The following SENP1 variants were observed in gnomAD, a reference collection of about 807,000 sequenced individuals.
SENP1 encodes the protein SUMO specific peptidase 1.
SENP1 carries 21 observed loss-of-function variants against 93.0 expected under a neutral mutation model. That is an observed-to-expected ratio of 0.23 (90% CI 0.16 to 0.33). SENP1 has a LOEUF of 0.33. Ranked by LOEUF, SENP1 falls within the 10% of genes least tolerant of loss-of-function variation. The pLI, the probability that SENP1 is intolerant of heterozygous loss-of-function variation, is 1.00. For missense variants in SENP1, 591 were observed against 758.7 expected, an observed-to-expected ratio of 0.78 and a Z score of 2.60; for synonymous variants, 256 against 259.6, an observed-to-expected ratio of 0.99 and a Z score of 0.13.
At chr12:48,105,862 G>T (rs1460988280) in intron 1 of SENP1, 166 bp downstream of exon 1, 4 of 605,574 alleles carry the variant, frequency 6.6e-6, no homozygotes, top group South Asian at 5.9e-5. Flanking sequence ...CAGCAGGGGG[G>T]AGGGGAGGTG....
chr12:48,064,531 A>C (rs189944817), intron 12 of SENP1, among the ~76,000 whole-genome samples: 1 of 152,350 alleles, frequency 6.6e-6, no homozygotes, highest in African/African-American at 2.4e-5. Context: ...AATGTATTAA[A>C]TGCTTCTTCA....
chr12:48,069,892 T>C (rs984655745), intron 9 of SENP1, among the ~76,000 whole-genome samples: 1 of 152,212 alleles, frequency 6.6e-6, no homozygotes, highest in Non-Finnish European at 1.5e-5. Flanking sequence ...TGCAAAGAAG[T>C]AGGGGAACTG....
At chr12:48,060,845 G>A (rs1942910892) in intron 13 of SENP1, among the ~76,000 whole-genome samples, 1 of 152,118 alleles carries the variant, frequency 6.6e-6, no homozygotes, top group South Asian at 2.1e-4. Flanking sequence ...CCCATCTACG[G>A]TGTCTTGATT....
intron 9 of SENP1, among the ~76,000 whole-genome samples, chr12:48,069,152 C>CAAAAAA (rs10564674): frequency 1.8e-3 from 139 of 76,330 alleles, no homozygotes; most frequent in African/African-American, 5.2e-3. Flanking sequence ...GACTCTGTCA[C>CAAAAAA]AAAAAAAAAA....
intron 9 of SENP1, among the ~76,000 whole-genome samples, chr12:48,067,345 A>G (rs1943372998): frequency 6.6e-6 from 1 of 152,246 alleles, no homozygotes; most frequent in Admixed American, 6.5e-5. Flanking sequence ...TGAAAGATTT[A>G]TTAAAAATCC....
chr12:48,044,380 GTGTATATA>G lies in SENP1; in HGVS notation c.*934_*941del, dbSNP rs1941212756. The G allele has an allele frequency of 6.8e-6, 1 of 147,228 alleles. No homozygotes were observed. Among genetic ancestry groups the G allele is most frequent in the Non-Finnish European group, 1.5e-5 (1 of 67,138 alleles). 9.1% of individuals were successfully genotyped at this position (147,228 alleles called of 1,614,324 possible). Reference sequence around the variant, plus strand: ...TACATATATATATATATATATGTATGTGTATATATATATGTATATATATATGAAATTCT... The same window carrying G: ...TACATATATATATATATATATGTATGTATATGTATATATATATGAAATTCT... On this transcript the variant is annotated 3_prime_UTR_variant, in exon 18 of 18. Transcript: ENST00000549518.
chr12:48,094,821 C>CTTT (rs1324339696), intron 4 of SENP1, among the ~76,000 whole-genome samples: 5 of 152,010 alleles, frequency 3.3e-5, no homozygotes, highest in Non-Finnish European at 7.4e-5. Flanking sequence ...AGATTCTATC[C>CTTT]AATGGTAAAT....
At chr12:48,095,616 G>A (rs991819758) in intron 4 of SENP1, among the ~76,000 whole-genome samples, 2 of 151,726 alleles carry the variant, frequency 1.3e-5, no homozygotes, top group African/African-American at 4.8e-5. Flanking sequence ...GGTAAGGCAA[G>A]GAGACTGAAG....
intron 8 of SENP1, among the ~76,000 whole-genome samples, chr12:48,072,999 G>A (rs1943815927): frequency 6.6e-6 from 1 of 151,918 alleles, no homozygotes; most frequent in Non-Finnish European, 1.5e-5. Flanking sequence ...AAAGAAACTG[G>A]AAGAAGGAGG....
chr12:48,073,415 T>C (rs1260904213), intron 8 of SENP1, among the ~76,000 whole-genome samples: 4 of 150,422 alleles, frequency 2.7e-5, no homozygotes, highest in African/African-American at 9.8e-5. Flanking sequence ...AAAGTACAAA[T>C]AGATTAAAAA....
chr12:48,061,735 A>T (rs897380549), intron 13 of SENP1, among the ~76,000 whole-genome samples: 6 of 152,182 alleles, frequency 3.9e-5, no homozygotes, highest in Non-Finnish European at 8.8e-5. Flanking sequence ...AATGAGTATC[A>T]ATACTTAAGG....
chr12:48,065,730 A>T, intron 10 of SENP1, 50 bp from the exon 11 acceptor site: 1 of 1,191,584 alleles, frequency 8.4e-7, no homozygotes, highest in Non-Finnish European at 1.2e-6. Context: ...CTCATTATGA[A>T]ACATATTGTT....
chr12:48,106,066 C>T lies in SENP1; in HGVS notation c.-83G>A, dbSNP rs1333673232. On this transcript the variant is annotated 5_prime_UTR_variant, in exon 1 of 18. Coordinates refer to ENST00000549518, the MANE Select transcript of SENP1 (RefSeq NM_001267594.2). ...GCTGCCATGCGAAGGGGTTTCCGGC[C>T]GGGCGCGGAACGCAAAACCCGGGAA... 1.4e-6 allele frequency: 1 copy of T among 702,516 alleles called. No homozygotes were observed. Among genetic ancestry groups the T allele is most frequent in the Admixed American group, 2.0e-5 (1 of 50,004 alleles). The allele number at this position is 702,516 out of a possible 1,614,324, so 43.5% of individuals were successfully genotyped here.
intron 9 of SENP1, among the ~76,000 whole-genome samples, chr12:48,067,520 G>A (rs1239176873): frequency 6.6e-6 from 1 of 152,190 alleles, no homozygotes; most frequent in Non-Finnish European, 1.5e-5. Flanking sequence ...ATGATTAATT[G>A]TCCTAGAGCC....
At chr12:48,097,030 G>C (rs570849789) in intron 3 of SENP1, among the ~76,000 whole-genome samples, 11 of 151,806 alleles carry the variant, frequency 7.2e-5, no homozygotes, top group Non-Finnish European at 1.5e-4. Context: ...ATACTAACAA[G>C]AAAGGAAAAC....
chr12:48,074,805 C>CAAA lies in SENP1; in HGVS notation c.553-15_553-13dup, dbSNP rs113215127. ...TCTTCTTGAACTGTCTATAAGAAAA[C>CAAA]AAAAAAAAAAAACAGTTTAAACACA... On this transcript the variant is annotated splice_polypyrimidine_tract_variant and intron_variant, in intron 6 of 17. Transcript: ENST00000549518. 46 of 1,145,084 alleles carry CAAA rather than the reference C, an allele frequency of 4.0e-5. No homozygotes were observed. In the African/African-American group the frequency reaches 5.5e-4, roughly 14 times the overall value. 70.9% of individuals were successfully genotyped at this position (1,145,084 alleles called of 1,614,324 possible).
At chr12:48,057,332 C>T (rs1051601964) in intron 13 of SENP1, among the ~76,000 whole-genome samples, 3 of 147,272 alleles carry the variant, frequency 2.0e-5, no homozygotes, top group Admixed American at 6.9e-5. Context: ...CAAGTTCAAG[C>T]GATTCTCGTG....
chr12:48,105,878 A>AG, intron 1 of SENP1, 150 bp downstream of exon 1: 3 of 607,020 alleles, frequency 4.9e-6, no homozygotes, highest in South Asian at 1.9e-5. Flanking sequence ...AGGTGGTCCC[A>AG]GGGGGCGGGG....
At chr12:48,070,159 C>T (rs540711448) in intron 9 of SENP1, among the ~76,000 whole-genome samples, 2 of 152,222 alleles carry the variant, frequency 1.3e-5, no homozygotes, top group South Asian at 2.1e-4. Flanking sequence ...AGTTGAGGTA[C>T]GGAGGACATT....
Sources: gnomAD v4.1 joint callset for allele counts (sites outside exome capture counted in the v4.1 genomes callset) on GRCh38, gnomAD v4.1.1 for gene constraint, MANE v1.5 for transcripts, NCBI Gene and HGNC (gene_info 2026-07-23, HGNC 2026-07-21) for gene names.